KCNH7: variants seen among roughly 807,000 people sequenced by gnomAD.
KCNH7 encodes the protein potassium voltage-gated channel subfamily H member 7, also known as voltage-gated inwardly rectifying potassium channel KCNH7.
Under a neutral mutation model 120.8 loss-of-function variants are expected in KCNH7, and 49 were observed. That is an observed-to-expected ratio of 0.41 (90% CI 0.32 to 0.51). KCNH7 has a LOEUF of 0.51. Ranked by LOEUF, KCNH7 falls within the 20% of genes least tolerant of loss-of-function variation. KCNH7 has a pLI of 0.38. For missense variants in KCNH7, 1,097 were observed against 1,446.6 expected, an observed-to-expected ratio of 0.76 and a Z score of 3.92; for synonymous variants, 547 against 516.1, an observed-to-expected ratio of 1.06 and a Z score of -0.81.
intron 2 of KCNH7, among the ~76,000 whole-genome samples, chr2:162,560,598 G>A (rs1693028077): frequency 6.6e-6 from 1 of 152,128 alleles, no homozygotes; most frequent in African/African-American, 2.4e-5. Context: ...CAATAGTCAA[G>A]GTTAAAAGTT....
At chr2:162,699,017 T>C (rs943766801) in intron 2 of KCNH7, among the ~76,000 whole-genome samples, 1 of 152,148 alleles carries the variant, frequency 6.6e-6, no homozygotes, top group African/African-American at 2.4e-5. Context: ...ATACATATTA[T>C]AAATGGCTAA....
At chr2:162,410,403 G>A (rs1687351657) in intron 9 of KCNH7, among the ~76,000 whole-genome samples, 1 of 151,778 alleles carries the variant, frequency 6.6e-6, no homozygotes, top group Non-Finnish European at 1.5e-5. Context: ...GGACCCTTAT[G>A]TTTTTCCATC....
At chr2:162,503,227 C>T (rs1322167887) in intron 6 of KCNH7, among the ~76,000 whole-genome samples, 1 of 151,922 alleles carries the variant, frequency 6.6e-6, no homozygotes, top group Non-Finnish European at 1.5e-5. Context: ...TCTTAAGTCT[C>T]TTGATTCCTA....
chr2:162,835,075 C>T (rs1219737974), intron 2 of KCNH7, among the ~76,000 whole-genome samples: 2 of 151,948 alleles, frequency 1.3e-5, no homozygotes, highest in African/African-American at 4.8e-5. Flanking sequence ...AGTGAGAGCT[C>T]AATCCAATAA....
At chr2:162,397,218 T>A (rs1686940377) in intron 10 of KCNH7, among the ~76,000 whole-genome samples, 1 of 151,778 alleles carries the variant, frequency 6.6e-6, no homozygotes, top group Non-Finnish European at 1.5e-5. Context: ...TACCCCACTT[T>A]GCTAGCAAAG....
Position 162,373,539 on chromosome 2 carries a change from G to C in KCNH7, c.3255C>G (p.Ile1085Met), listed in dbSNP as rs368146828. ...CCGGTTGACTGGTTCTCATCAGCTG[G>C]ATGATGGGTCTCTGATATTCTGATC... The part of the protein sequence containing the change: ...TAGSEYQRPI[I>M]QLMRTSQPEA... The change falls in exon 15 of 16, where the codon ATC becomes ATG. Residue 1085 changes from isoleucine (I) to methionine (M), a missense_variant. Ile to Met is a conservative substitution (Grantham distance 10). Transcript: ENST00000332142. 130 of 1,590,350 alleles carry C rather than the reference G, an allele frequency of 8.2e-5. No homozygotes were observed. Among genetic ancestry groups the C allele is most frequent in the Middle Eastern group, 1.7e-4 (1 of 6,018 alleles).
intron 2 of KCNH7, among the ~76,000 whole-genome samples, chr2:162,544,928 C>T (rs1022838842): frequency 6.6e-6 from 1 of 152,066 alleles, no homozygotes; most frequent in Non-Finnish European, 1.5e-5. Context: ...TACTTTGCTC[C>T]CTGGATCGCT....
chr2:162,594,796 T>C (rs1035286402), intron 2 of KCNH7, among the ~76,000 whole-genome samples: 2 of 152,050 alleles, frequency 1.3e-5, no homozygotes, highest in Admixed American at 6.6e-5. Context: ...ATAGGTTATA[T>C]GCAGATGTTA....
At chr2:162,606,316 G>C (rs1682770889) in intron 2 of KCNH7, among the ~76,000 whole-genome samples, 1 of 152,092 alleles carries the variant, frequency 6.6e-6, no homozygotes, top group Non-Finnish European at 1.5e-5. Flanking sequence ...CAAATTTTCA[G>C]TGAGAAGGCT....
chr2:162,423,529 A>G lies in KCNH7; in HGVS notation c.1961T>C (p.Met654Thr), dbSNP rs1419902334. 1 of 1,613,312 alleles carries G rather than the reference A, an allele frequency of 6.2e-7. No homozygotes were observed. Among genetic ancestry groups the G allele is most frequent in the Non-Finnish European group, 8.5e-7 (1 of 1,179,462 alleles). ...TACATTCCCAAAAATGCTTGCATAC[A>G]TTAGTGCTGGATTGGATAAAAAACA... ...SICVMLIGSL[M>T]YASIFGNVSA... is the part of the protein sequence containing the mutation. Residue 654 changes from methionine (M) to threonine (T), a missense_variant, in exon 9 of 16, where the codon ATG becomes ACG. Around this residue, in one of 8 missense-constraint regions of KCNH7, gnomAD observed 24 missense variants for 105.8 expected, o/e 0.23. Transcript: ENST00000332142.
At chr2:162,591,486 G>A (rs903541637) in intron 2 of KCNH7, among the ~76,000 whole-genome samples, 5 of 151,916 alleles carry the variant, frequency 3.3e-5, no homozygotes, top group Admixed American at 1.3e-4. Context: ...ATTTTGTGGA[G>A]GACACAAACA....
intron 2 of KCNH7, among the ~76,000 whole-genome samples, chr2:162,685,988 A>G (rs531468766): frequency 6.6e-6 from 1 of 152,214 alleles, no homozygotes; most frequent in South Asian, 2.1e-4. Context: ...TTATTCTCTA[A>G]TATTACTGTC....
At chr2:162,729,390 A>G (rs1250535817) in intron 2 of KCNH7, among the ~76,000 whole-genome samples, 1 of 151,314 alleles carries the variant, frequency 6.6e-6, no homozygotes, top group Non-Finnish European at 1.5e-5. Context: ...CAAGTAATAT[A>G]TGTCCCCCAA....
intron 6 of KCNH7, among the ~76,000 whole-genome samples, chr2:162,471,147 C>A (rs1395318950): frequency 1.3e-5 from 2 of 151,918 alleles, no homozygotes; most frequent in African/African-American, 4.8e-5. Context: ...AAACCAGAGA[C>A]CTTTGTTCAC....
At chr2:162,681,353 T>C (rs933386876) in intron 2 of KCNH7, among the ~76,000 whole-genome samples, 14 of 151,704 alleles carry the variant, frequency 9.2e-5, no homozygotes, top group African/African-American at 3.4e-4. Context: ...AGAGTGGTGA[T>C]TGAATTGAGG....
rs138946717 is a variant in KCNH7, at chr2:162,737,802, C to T, written c.307+98735G>A. 3.7e-3 allele frequency among the ~76,000 whole-genome samples: 561 copies of T among 152,090 alleles called. 3 individuals carry two copies. Among genetic ancestry groups the T allele is most frequent in the African/African-American group, 0.013 (526 of 41,478 alleles). ...GTGAAAGGCTGGGTGTGGTAGCTCA[C>T]GCCTGTAATCCCAGCACTTTGGGAG... is the stretch of plus-strand genomic sequence containing the variant. On this transcript the variant is annotated intron_variant, in intron 2 of 15. Coordinates refer to ENST00000332142, the MANE Select transcript of KCNH7 (RefSeq NM_033272.4).
chr2:162,500,303 A>G (rs1022179183), intron 6 of KCNH7, among the ~76,000 whole-genome samples: 1 of 147,874 alleles, frequency 6.8e-6, no homozygotes, highest in Non-Finnish European at 1.5e-5. Flanking sequence ...TGTATATTAT[A>G]TATACACACA....
At chr2:162,793,363 G>A (rs1387879735) in intron 2 of KCNH7, among the ~76,000 whole-genome samples, 1 of 151,776 alleles carries the variant, frequency 6.6e-6, no homozygotes, top group African/African-American at 2.4e-5. Flanking sequence ...CTTAATACCT[G>A]GGTGATGAAA....
At chr2:162,782,091 C>T (rs1683516426) in intron 2 of KCNH7, among the ~76,000 whole-genome samples, 2 of 152,166 alleles carry the variant, frequency 1.3e-5, no homozygotes, top group Admixed American at 1.3e-4. Flanking sequence ...GATTTTGTAA[C>T]TCTATTTTAT....
Sources: allele counts gnomAD v4.1 joint callset (sites outside exome capture counted in the v4.1 genomes callset), GRCh38; gene constraint gnomAD v4.1.1; regional missense constraint gnomAD v4.1.1; transcripts MANE v1.5; gene names NCBI Gene and HGNC (gene_info 2026-07-23, HGNC 2026-07-21).